Variants in TNS1 observed in about 807,000 individuals in gnomAD.
TNS1 encodes the protein tensin 1.
Under a neutral mutation model 168.6 loss-of-function variants are expected in TNS1, and 62 were observed. The observed-to-expected ratio is 0.37, with a 90% confidence interval of 0.30 to 0.45. TNS1 has a LOEUF of 0.45. TNS1 is among the 20% of genes least tolerant of loss of function. The pLI is 1.00. For synonymous variants in TNS1, 934 were observed against 933.2 expected (o/e 1.00, Z -0.02); for missense variants, 2,240 against 2,339.4 (o/e 0.96, Z 0.88).
At chr2:218,027,373 G>A (rs905878748) in intron 1 of TNS1, among the ~76,000 whole-genome samples, 3 of 151,772 alleles carry the variant, frequency 2.0e-5, no homozygotes, top group Non-Finnish European at 2.9e-5. Context: ...CCTCTCCCCC[G>A]ACCCTACTCT....
At chr2:217,805,565 C>CCA (rs1938654659) in intron 32 of TNS1, among the ~76,000 whole-genome samples, 2 of 89,622 alleles carry the variant, frequency 2.2e-5, no homozygotes, top group African/African-American at 4.5e-5. Flanking sequence ...ACACACACCA[C>CCA]CACACACACC....
At chr2:217,903,914 G>A (rs1040994384) in intron 6 of TNS1, 4 of 409,486 alleles carry the variant, frequency 9.8e-6, no homozygotes, top group African/African-American at 4.1e-5. Context: ...TTGAAGCAAT[G>A]CCTCTGTGGG....
At position 218,032,186 on chromosome 2, in the gene TNS1, G is replaced by A. The variant is rs1413178873; in HGVS notation, c.156+1634C>T. Among the ~76,000 whole-genome samples, 3 of 152,224 alleles carry A rather than the reference G, an allele frequency of 2.0e-5. No homozygotes were observed. The highest frequency in any genetic ancestry group is 4.4e-5 in the Non-Finnish European group (3 of 68,036). On this transcript the variant is annotated intron_variant, in intron 1 of 1. Coordinates refer to the TNS1 transcript ENST00000649572. This position sits in a 1 kb window ranked among gnomAD's most constrained non-coding sequence, Gnocchi z 4.0. ...GGCAGGGCCCACAGCTGCAGGCACT[G>A]ACAACCCAGAGCTGGACTTGGAGGC...
intron 1 of TNS1, chr2:218,010,037 G>C: frequency 2.6e-6 from 1 of 391,730 alleles, no homozygotes. Context: ...CGGGAGGGAA[G>C]CGTCTGGGAG....
chr2:217,865,076 A>G (rs1949146032), intron 18 of TNS1, among the ~76,000 whole-genome samples: 1 of 152,086 alleles, frequency 6.6e-6, no homozygotes, highest in Non-Finnish European at 1.5e-5. Context: ...ATGTGGTTCC[A>G]TGCATGAGAG....
intron 3 of TNS1, among the ~76,000 whole-genome samples, chr2:217,920,644 TTA>T (rs1455078439): frequency 6.6e-6 from 1 of 151,258 alleles, no homozygotes; most frequent in Non-Finnish European, 1.5e-5. Flanking sequence ...AAAACTGTGA[TTA>T]GGACCATCAT....
chr2:217,935,005 C>G (rs990353324), intron 3 of TNS1, among the ~76,000 whole-genome samples: 1 of 152,234 alleles, frequency 6.6e-6, no homozygotes, highest in Admixed American at 6.5e-5. Context: ...TGCCTGAAGT[C>G]ACACAGTGCC....
At chr2:217,838,120 C>A (rs532345706) in intron 19 of TNS1, among the ~76,000 whole-genome samples, 2 of 152,360 alleles carry the variant, frequency 1.3e-5, no homozygotes, top group Admixed American at 1.3e-4. Context: ...AAAATAAATG[C>A]ATTAGGGCTG....
intron 18 of TNS1, among the ~76,000 whole-genome samples, chr2:217,855,331 A>T (rs1947998465): frequency 6.6e-6 from 1 of 152,070 alleles, no homozygotes; most frequent in African/African-American, 2.4e-5. Flanking sequence ...TGAAACTCCC[A>T]ACCTCCTGGG....
intron 4 of TNS1, among the ~76,000 whole-genome samples, chr2:217,918,840 C>T (rs1955412809): frequency 6.6e-6 from 1 of 152,114 alleles, no homozygotes; most frequent in African/African-American, 2.4e-5. Flanking sequence ...TGCACTCCAC[C>T]CCCCAGCCCC....
At chr2:217,922,019 TGAG>T (rs1257027460) in intron 3 of TNS1, among the ~76,000 whole-genome samples, 1 of 152,116 alleles carries the variant, frequency 6.6e-6, no homozygotes, top group African/African-American at 2.4e-5. Context: ...TTCGGAAGAA[TGAG>T]GAGACACAGG....
rs547172228 is a variant in TNS1, at chr2:217,932,456, T to C, written c.187-12220A>G. ...GTAAAATTGTCTGGGATACAGAATA[T>C]GCTTAGGAGATGTTACTTCCCTCTA... On this transcript the variant is annotated intron_variant, in intron 3 of 32. Coordinates refer to ENST00000682258, the MANE Select transcript of TNS1 (RefSeq NM_001387777.1). Among the ~76,000 whole-genome samples the C allele has an allele frequency of 7.9e-5, 12 of 152,306 alleles. No individual in the cohort carries two copies. In the South Asian group the frequency reaches 2.1e-3, roughly 26 times the overall value.
chr2:217,910,760 AC>A (rs1163706104), intron 4 of TNS1, among the ~76,000 whole-genome samples: 1 of 143,508 alleles, frequency 7.0e-6, no homozygotes, highest in Non-Finnish European at 1.5e-5. Flanking sequence ...ACACACACAC[AC>A]AACCATCCTT....
chr2:217,811,747 T>C (rs1940953727), intron 28 of TNS1, among the ~76,000 whole-genome samples: 1 of 152,108 alleles, frequency 6.6e-6, no homozygotes, highest in East Asian at 1.9e-4. Context: ...TGAGAGAAGC[T>C]AAACACTCCT....
chr2:218,005,721 CAATT>C (rs1042218673), upstream of TNS1, among the ~76,000 whole-genome samples: 86 of 152,356 alleles, frequency 5.6e-4, no homozygotes, highest in African/African-American at 1.9e-3. Context: ...ATCACTCAAT[CAATT>C]AGTCAATGGA....
In TNS1 at chr2:217,847,900, G is replaced by T. The variant is rs1295465643; in HGVS notation, c.2617C>A (p.Pro873Thr). Residue 873 changes from proline (P) to threonine (T), a missense_variant, in exon 19 of 33, where the codon CCC becomes ACC. Around this residue, in one of 2 missense-constraint regions of TNS1, gnomAD observed 2,131 missense variants for 2,171.2 expected, o/e 0.98. Coordinates refer to ENST00000682258, the MANE Select transcript of TNS1 (RefSeq NM_001387777.1). ...WPGASPLSSQPLSGSSRQSHP... is the reference protein window; with the variant it reads ...WPGASPLSSQTLSGSSRQSHP... ...GACTGACGGGAGGATCCAGAGAGGG[G>T]CTGGGAGGAGAGTGGAGAAGCCCCT... 4 of 1,543,216 alleles carry T rather than the reference G, an allele frequency of 2.6e-6. No individual in the cohort carries two copies. In the Admixed American group the frequency reaches 7.4e-5, roughly 28 times the overall value.
chr2:217,883,705 CTTG>C (rs1331807422), intron 16 of TNS1, among the ~76,000 whole-genome samples: 1 of 152,180 alleles, frequency 6.6e-6, no homozygotes, highest in Non-Finnish European at 1.5e-5. Flanking sequence ...TTTATTTTTC[CTTG>C]TTAAGACTGT....
intron 1 of TNS1, among the ~76,000 whole-genome samples, chr2:218,024,581 G>A (rs765385850): frequency 2.0e-5 from 3 of 152,168 alleles, no homozygotes; most frequent in Non-Finnish European, 4.4e-5. Flanking sequence ...AGTCTCTCCT[G>A]CTCCAGCTTC....
chr2:217,982,843 T>C (rs2126061994), intron 2 of TNS1, among the ~76,000 whole-genome samples: 1 of 152,300 alleles, frequency 6.6e-6, no homozygotes, highest in South Asian at 2.1e-4. Context: ...ATCTCCTGGG[T>C]CCTACCTTGC....
Sources: allele counts gnomAD v4.1 joint callset (sites outside exome capture counted in the v4.1 genomes callset), GRCh38; gene constraint gnomAD v4.1.1; regional missense constraint gnomAD v4.1.1; non-coding constraint Gnocchi (gnomAD v3.1); transcripts MANE v1.5; gene names NCBI Gene and HGNC (gene_info 2026-07-23, HGNC 2026-07-21).